HBS1L: variants seen among roughly 807,000 people sequenced by gnomAD.
HBS1L encodes HBS1 like translational GTPase, also known as HBS1-like protein.
A neutral mutation model predicts 88.9 loss-of-function variants in HBS1L; 55 were observed. The observed-to-expected ratio is 0.62, with a 90% confidence interval of 0.50 to 0.77. The LOEUF (loss-of-function observed/expected upper bound fraction) is 0.77, where lower values mean the gene tolerates loss of function less well. Ranked by LOEUF, HBS1L falls within the 30% of genes least tolerant of loss-of-function variation. The pLI is 0.00. For synonymous variants in HBS1L, 267 were observed against 288.5 expected (o/e 0.93, Z 0.76); for missense variants, 741 against 829.3 (o/e 0.89, Z 1.31).
At chr6:134,989,338 A>C (rs1261307322) in intron 8 of HBS1L, among the ~76,000 whole-genome samples, 1 of 152,154 alleles carries the variant, frequency 6.6e-6, no homozygotes, top group African/African-American at 2.4e-5. Context: ...GAAATCCAGG[A>C]AACAAAGACT....
intron 7 of HBS1L, among the ~76,000 whole-genome samples, chr6:134,995,650 A>G (rs750044298): frequency 5.3e-5 from 8 of 151,668 alleles, no homozygotes; most frequent in Non-Finnish European, 7.4e-5. Flanking sequence ...TAATGCAAAG[A>G]AAACTAAAAA....
chr6:135,035,178 C>T (rs1776496445), intron 4 of HBS1L, among the ~76,000 whole-genome samples: 1 of 152,148 alleles, frequency 6.6e-6, no homozygotes, highest in Non-Finnish European at 1.5e-5. Context: ...TTAGGCCGGG[C>T]GTGGTGGCTC....
chr6:135,054,480 C>T (rs1777185287), intron 1 of HBS1L, among the ~76,000 whole-genome samples, 169 bp downstream of exon 1: 2 of 152,332 alleles, frequency 1.3e-5, no homozygotes, highest in South Asian at 4.1e-4. Context: ...GACTTAAAAA[C>T]GACGGCATTT....
At chr6:135,031,986 T>G (rs1169391303) in intron 4 of HBS1L, among the ~76,000 whole-genome samples, 1 of 151,842 alleles carries the variant, frequency 6.6e-6, no homozygotes, top group African/African-American at 2.4e-5. Context: ...TTCCTTTGCC[T>G]TGCACTGTCA....
intron 3 of HBS1L, 74 bp from the exon 4 acceptor site, chr6:135,039,841 T>C: frequency 7.7e-7 from 1 of 1,301,648 alleles, no homozygotes; most frequent in South Asian, 1.5e-5. Flanking sequence ...CAAAACTGAT[T>C]TTAAAATTTA....
At chr6:134,987,861 A>C in intron 8 of HBS1L, 70 bp from the exon 9 acceptor site, 1 of 1,322,138 alleles carries the variant, frequency 7.6e-7, no homozygotes, top group Non-Finnish European at 1.0e-6. Context: ...AGATTATTCA[A>C]TTAATTATGT....
intron 15 of HBS1L, among the ~76,000 whole-genome samples, chr6:134,971,457 C>G (rs1774484769): frequency 6.6e-6 from 1 of 152,188 alleles, no homozygotes; most frequent in Admixed American, 6.5e-5. Context: ...TTTGAAAGAA[C>G]AGAAGCATAC....
Position 135,002,736 on chromosome 6 carries a change from A to G in HBS1L, c.537T>C (p.Pro179=), listed in dbSNP as rs752916805. The G allele has an allele frequency of 2.5e-6, 4 of 1,600,658 alleles. No individual in the cohort carries two copies. Among genetic ancestry groups the G allele is most frequent in the Non-Finnish European group, 3.4e-6 (4 of 1,168,040 alleles). Residue 179 remains proline, a splice_region_variant and synonymous_variant, in exon 5 of 18, where the codon CCT becomes CCC. Coordinates refer to ENST00000367837, the MANE Select transcript of HBS1L (RefSeq NM_006620.4). The stretch of plus-strand genomic sequence containing the variant: ...GAGGGAGGTACTCAAAGTCTTACCC[A>G]GGCACTTCAAATCCCATAGTTTGCT... ...GKKQTMGFEV[P]GVSSEENGHS... is the part of the protein sequence containing the mutation.
chr6:134,965,279 T>C lies in HBS1L; in HGVS notation c.2055A>G (p.Ter685TrpextTer14), dbSNP rs1306200233. The C allele has an allele frequency of 5.1e-6, 8 of 1,563,396 alleles. No individual in the cohort carries two copies. Among genetic ancestry groups the C allele is most frequent in the Non-Finnish European group, 7.0e-6 (8 of 1,140,076 alleles). The stretch of plus-strand genomic sequence containing the variant: ...GAAACGTGGTAGAAATTCTGACCCA[T>C]CATTCTTTTATCTGTTAAAACAAAA... ...AAGVVTEIKE[*>W] The change falls in exon 18 of 18, where the codon TGA becomes TGG. Residue 685 changes from the stop codon to tryptophan (W), a stop_lost. Transcript: ENST00000367837.
chr6:135,030,956 C>A (rs1583137999), intron 4 of HBS1L, among the ~76,000 whole-genome samples: 2 of 152,060 alleles, frequency 1.3e-5, no homozygotes, highest in African/African-American at 4.8e-5. Flanking sequence ...GTGACGTCGG[C>A]CTTTTTGATA....
intron 15 of HBS1L, among the ~76,000 whole-genome samples, chr6:134,971,177 A>C (rs921924674): frequency 2.6e-5 from 4 of 151,996 alleles, no homozygotes; most frequent in African/African-American, 7.2e-5. Context: ...TTTCAATGGC[A>C]TTTGAGGAGT....
At chr6:134,990,527 G>A (rs2114790981) in intron 8 of HBS1L, among the ~76,000 whole-genome samples, 1 of 152,268 alleles carries the variant, frequency 6.6e-6, no homozygotes, top group South Asian at 2.1e-4. Context: ...TCAATTAGAT[G>A]ATCTCTAAAA....
intron 4 of HBS1L, chr6:135,038,080 GAC>G: frequency 2.2e-6 from 3 of 1,347,578 alleles, no homozygotes; most frequent in Non-Finnish European, 2.9e-6. Flanking sequence ...ATACGCAGAA[GAC>G]AGTCACAGCA....
intron 4 of HBS1L, among the ~76,000 whole-genome samples, chr6:135,013,921 T>A (rs967169296): frequency 6.6e-5 from 10 of 152,270 alleles, no homozygotes; most frequent in African/African-American, 2.4e-4. Context: ...CTACAGATGA[T>A]GTAGAAGTAT....
Position 134,979,235 on chromosome 6 carries a change from G to T in HBS1L, c.1631C>A (p.Ala544Glu), listed in dbSNP as rs146882329. Residue 544 changes from alanine to glutamate, a missense_variant, in exon 14 of 18, where the codon GCG becomes GAG. Transcript: ENST00000367837. ...AAGACTAACATGATCGCCTGCTGCC[G>T]CCCAGTCGACAGGTTCATCATGCAG... ...ITLHDEPVDW[A>E]AAGDHVSLTL... 6.2e-7 allele frequency: 1 copy of T among 1,611,808 alleles called. No individual in the cohort carries two copies. The highest frequency in any genetic ancestry group is 1.3e-5 in the African/African-American group (1 of 74,766).
chr6:134,968,743 G>T (rs1230432145), intron 16 of HBS1L, among the ~76,000 whole-genome samples: 1 of 140,430 alleles, frequency 7.1e-6, no homozygotes, highest in South Asian at 2.5e-4. Flanking sequence ...GCTCCAGGTG[G>T]ACTTTGAGCA....
intron 2 of HBS1L, among the ~76,000 whole-genome samples, chr6:135,044,326 T>C (rs185799207): frequency 1.3e-5 from 2 of 152,312 alleles, no homozygotes; most frequent in East Asian, 3.9e-4. Context: ...AAGTTGTTAA[T>C]TTTAGTATAT....
At chr6:135,044,138 T>C (rs1305508012) in intron 2 of HBS1L, among the ~76,000 whole-genome samples, 2 of 152,314 alleles carry the variant, frequency 1.3e-5, no homozygotes, top group Admixed American at 6.5e-5. Context: ...TTTCAACCCT[T>C]TCTTACATCT....
chr6:135,031,075 T>A (rs1238031857), intron 4 of HBS1L, among the ~76,000 whole-genome samples: 1 of 152,110 alleles, frequency 6.6e-6, no homozygotes, highest in Non-Finnish European at 1.5e-5. Flanking sequence ...TGGTAATTTT[T>A]AAAATGGCCT....
Sources: gnomAD v4.1 joint callset for allele counts (sites outside exome capture counted in the v4.1 genomes callset) on GRCh38, gnomAD v4.1.1 for gene constraint, MANE v1.5 for transcripts, NCBI Gene and HGNC (gene_info 2026-07-23, HGNC 2026-07-21) for gene names.